Variants in MAML3 observed in about 807,000 individuals in gnomAD.
MAML3 encodes the protein mastermind like transcriptional coactivator 3.
A neutral mutation model predicts 101.9 loss-of-function variants in MAML3; 27 were observed. The ratio of observed to expected loss-of-function variants is 0.27; its 90% CI spans 0.20 to 0.37. MAML3 has a LOEUF of 0.37. MAML3 is among the 10% of genes least tolerant of loss of function. MAML3 has a pLI of 1.00. For missense variants in MAML3, 1,316 were observed against 1,444.9 expected (o/e 0.91, Z 1.45); for synonymous variants, 501 against 555.9 (o/e 0.90, Z 1.39).
chr4:140,011,096 T>C (rs1242698101), intron 1 of MAML3, among the ~76,000 whole-genome samples: 1 of 53,582 alleles, frequency 1.9e-5, no homozygotes, highest in Non-Finnish European at 4.9e-5. Context: ...AGACTCTGTC[T>C]CGAAAAAAAA....
At chr4:139,925,709 G>C (rs550632133) in intron 1 of MAML3, among the ~76,000 whole-genome samples, 1 of 152,270 alleles carries the variant, frequency 6.6e-6, no homozygotes, top group Admixed American at 6.5e-5. Context: ...TTTGGAAAGG[G>C]TGCCTGTCTG....
At chr4:139,843,532 C>G (rs73854387) in intron 2 of MAML3, among the ~76,000 whole-genome samples, 2,249 of 152,258 alleles carry the variant, frequency 0.015, 57 homozygotes, top group African/African-American at 0.051. Flanking sequence ...AAACCCAAAA[C>G]CTGATGAATT....
At chr4:139,737,880 T>C (rs1441651006) in intron 2 of MAML3, among the ~76,000 whole-genome samples, 1 of 152,212 alleles carries the variant, frequency 6.6e-6, no homozygotes, top group East Asian at 1.9e-4. Flanking sequence ...AAGATTGGAT[T>C]AAAAGGTTTG....
At chr4:140,130,588 T>G (rs546620492) in intron 1 of MAML3, among the ~76,000 whole-genome samples, 36 of 152,358 alleles carry the variant, frequency 2.4e-4, no homozygotes, top group Middle Eastern at 3.4e-3. Context: ...AAAAATCATT[T>G]AGAAATTGCA....
At chr4:139,926,760 G>T (rs977362378) in intron 1 of MAML3, among the ~76,000 whole-genome samples, 2 of 152,078 alleles carry the variant, frequency 1.3e-5, no homozygotes, top group Admixed American at 1.3e-4. Flanking sequence ...CTTCCCTCAA[G>T]GTTAACCATA....
intron 1 of MAML3, among the ~76,000 whole-genome samples, chr4:139,939,914 G>A (rs566527258): frequency 1.4e-4 from 21 of 152,028 alleles, no homozygotes; most frequent in African/African-American, 4.1e-4. Context: ...ACAGGCGCCC[G>A]CCACCACACC....
intron 1 of MAML3, among the ~76,000 whole-genome samples, chr4:139,927,431 A>AT (rs879670190): frequency 6.6e-6 from 1 of 152,200 alleles, no homozygotes; most frequent in Non-Finnish European, 1.5e-5. Context: ...GCAAATAAGC[A>AT]TTTTAAGTGA....
chr4:140,083,977 GA>G (rs1727910823), intron 1 of MAML3, among the ~76,000 whole-genome samples: 4 of 42,238 alleles, frequency 9.5e-5, no homozygotes, highest in African/African-American at 3.3e-4. Flanking sequence ...CAGAGAGAGA[GA>G]GAGAGAGAGA....
intron 2 of MAML3, among the ~76,000 whole-genome samples, chr4:139,828,667 G>A (rs1578620294): frequency 6.7e-6 from 1 of 149,590 alleles, no homozygotes; most frequent in Non-Finnish European, 1.5e-5. Flanking sequence ...TCATGGAGAC[G>A]AAGGTTGAAA....
intron 1 of MAML3, among the ~76,000 whole-genome samples, chr4:140,084,387 G>A (rs113663918): frequency 1.1e-4 from 17 of 152,200 alleles, no homozygotes; most frequent in African/African-American, 4.1e-4. Context: ...AACCTAATGT[G>A]CACGTATACA....
At chr4:139,934,574 C>A (rs1733469814) in intron 1 of MAML3, among the ~76,000 whole-genome samples, 1 of 152,124 alleles carries the variant, frequency 6.6e-6, no homozygotes, top group Non-Finnish European at 1.5e-5. Context: ...GTGAGGGCGT[C>A]CACGGGGCTC....
intron 2 of MAML3, among the ~76,000 whole-genome samples, chr4:139,808,467 C>T (rs1179529773): frequency 6.6e-6 from 1 of 152,230 alleles, no homozygotes; most frequent in Admixed American, 6.5e-5. Context: ...AGCTTTGTGG[C>T]TTTTCAGAGT....
At chr4:140,076,823 A>T (rs904141500) in intron 1 of MAML3, among the ~76,000 whole-genome samples, 3 of 152,202 alleles carry the variant, frequency 2.0e-5, no homozygotes, top group Non-Finnish European at 4.4e-5. Context: ...GCGGGCAGAC[A>T]CAGGGAAGGA....
At chr4:139,964,757 G>A in intron 1 of MAML3, among the ~76,000 whole-genome samples, 1 of 151,798 alleles carries the variant, frequency 6.6e-6, no homozygotes, top group Non-Finnish European at 1.5e-5. Flanking sequence ...CACAAGAGAT[G>A]TACTTCTACT....
intron 2 of MAML3, among the ~76,000 whole-genome samples, chr4:139,835,275 T>C (rs752317185): frequency 4.6e-5 from 7 of 152,238 alleles, no homozygotes; most frequent in Non-Finnish European, 7.3e-5. Context: ...CTGTCCCAAG[T>C]TGGTAGTGAA....
chr4:140,068,566 A>C (rs887257559), intron 1 of MAML3, among the ~76,000 whole-genome samples: 41 of 152,346 alleles, frequency 2.7e-4, no homozygotes, highest in African/African-American at 9.9e-4. Context: ...TCACTCTCCC[A>C]GTGTTAGAAT....
In MAML3 at chr4:139,819,038, C is replaced by T. The variant is rs143255508; in HGVS notation, c.2079+70319G>A. 1.1e-3 allele frequency among the ~76,000 whole-genome samples: 173 copies of T among 152,050 alleles called. 4 individuals carry two copies. The East Asian group carries it at 0.028, about 25-fold the overall frequency. The stretch of plus-strand genomic sequence containing the variant: ...AGGCGCACGCAAATGAATAATGATC[C>T]GATAGGGGAGAGAAACAAACAGCCA... On this transcript the variant is annotated intron_variant, in intron 2 of 4. Coordinates refer to ENST00000509479, the MANE Select transcript of MAML3 (RefSeq NM_018717.5).
At chr4:139,943,204 T>A (rs1367449109) in intron 1 of MAML3, among the ~76,000 whole-genome samples, 1 of 152,162 alleles carries the variant, frequency 6.6e-6, no homozygotes, top group African/African-American at 2.4e-5. Flanking sequence ...AAGAGAATGC[T>A]GCTTCTCTTA....
chr4:140,078,836 C>T (rs1727819470), intron 1 of MAML3, among the ~76,000 whole-genome samples: 1 of 152,116 alleles, frequency 6.6e-6, no homozygotes, highest in South Asian at 2.1e-4. Flanking sequence ...CAGGGCCCAC[C>T]ATGAGGGCTG....
Sources: allele counts gnomAD v4.1 joint callset (sites outside exome capture counted in the v4.1 genomes callset), GRCh38; gene constraint gnomAD v4.1.1; transcripts MANE v1.5; gene names NCBI Gene and HGNC (gene_info 2026-07-23, HGNC 2026-07-21).